Variants in UBAP2 observed in about 807,000 individuals in gnomAD.
UBAP2 encodes the protein ubiquitin associated protein 2, also known as ubiquitin-associated protein 2.
UBAP2 carries 75 observed loss-of-function variants against 139.6 expected under a neutral mutation model. That is an observed-to-expected ratio of 0.54 (90% CI 0.45 to 0.65). UBAP2 has a LOEUF of 0.65. Ranked by LOEUF, UBAP2 falls within the 30% of genes least tolerant of loss-of-function variation. The pLI is 0.00. For synonymous variants in UBAP2, 526 were observed against 526.2 expected, an observed-to-expected ratio of 1.00 and a Z score of 0.01; for missense variants, 1,368 against 1,369.6, an observed-to-expected ratio of 1.00 and a Z score of 0.02.
chr9:33,987,153 A>G (rs1035267960), intron 5 of UBAP2, among the ~76,000 whole-genome samples: 6 of 152,116 alleles, frequency 3.9e-5, no homozygotes, highest in African/African-American at 1.2e-4. Context: ...GCTCACACCT[A>G]TAATTCCAGC....
At chr9:34,016,370 C>CAGCGGTGGTGGTGGTGGT (rs1824331668) in intron 2 of UBAP2, among the ~76,000 whole-genome samples, 1 of 93,690 alleles carries the variant, frequency 1.1e-5, no homozygotes, top group African/African-American at 4.9e-5. Context: ...GCGGCAGCGG[C>CAGCGGTGGTGGTGGTGGT]GGTGGTGGTG....
chr9:34,005,525 T>C (rs1440623020), intron 2 of UBAP2, among the ~76,000 whole-genome samples: 1 of 149,226 alleles, frequency 6.7e-6, no homozygotes, highest in Non-Finnish European at 1.5e-5. Context: ...ATTCAAGAAA[T>C]AATAATTTAA....
At chr9:33,996,047 G>A (rs572476013) in intron 4 of UBAP2, 176 bp downstream of exon 4, 2 of 529,894 alleles carry the variant, frequency 3.8e-6, no homozygotes, top group Non-Finnish European at 6.6e-6. Context: ...ACTTCATGAA[G>A]AAACCATACA....
chr9:34,016,359 G>GGCGGCA (rs376449506), intron 2 of UBAP2, among the ~76,000 whole-genome samples: 21 of 79,246 alleles, frequency 2.6e-4, no homozygotes, highest in Non-Finnish European at 4.1e-4. Flanking sequence ...AGGCAGCAGC[G>GGCGGCA]GCGGCAGCGG....
chr9:33,962,986 A>T (rs977553567), intron 9 of UBAP2, among the ~76,000 whole-genome samples: 1 of 151,580 alleles, frequency 6.6e-6, no homozygotes, highest in Non-Finnish European at 1.5e-5. Context: ...TCTCAAAAAA[A>T]ATAAATAAAA....
Position 33,944,633 on chromosome 9 carries a change from T to C in UBAP2, c.1277A>G (p.Lys426Arg), listed in dbSNP as rs1186235000. The C allele has an allele frequency of 4.3e-6, 7 of 1,611,620 alleles. No individual in the cohort carries two copies. Among genetic ancestry groups the C allele is most frequent in the East Asian group, 4.5e-5 (2 of 44,836 alleles). ...AACTGGGGATGGCTCAGGTTGAGAT[T>C]TGAAGTCTAAAAAAAGTAAGCAGCA... ...QSSVLSHLDF[K>R]SQPEPSPVLS... The change falls in exon 14 of 29, where the codon AAA (lysine) becomes AGA (arginine). Residue 426 changes from lysine (K) to arginine (R), a missense_variant. Physicochemically the swap from Lys to Arg is conservative, Grantham distance 26. Coordinates refer to ENST00000379238, the MANE Select transcript of UBAP2 (RefSeq NM_001370062.2).
chr9:34,028,070 C>A (rs1033498305), intron 1 of UBAP2, among the ~76,000 whole-genome samples: 2 of 151,728 alleles, frequency 1.3e-5, no homozygotes, highest in African/African-American at 2.4e-5. Context: ...TTCTCTGCAG[C>A]TGTTAAGGGC....
At chr9:33,934,429 GTCTC>G (rs1254379105) in intron 17 of UBAP2, 1 of 155,722 alleles carries the variant, frequency 6.4e-6, no homozygotes, top group Admixed American at 6.5e-5. Flanking sequence ...AAGCACTTGA[GTCTC>G]TAAAGGAAGG....
At chr9:34,025,965 TA>T (rs1438571936) in intron 1 of UBAP2, among the ~76,000 whole-genome samples, 1 of 152,206 alleles carries the variant, frequency 6.6e-6, no homozygotes, top group African/African-American at 2.4e-5. Context: ...AGTTTAGACT[TA>T]ACTGAAAATG....
intron 2 of UBAP2, among the ~76,000 whole-genome samples, chr9:34,012,056 A>G (rs899483954): frequency 6.6e-6 from 1 of 152,102 alleles, no homozygotes; most frequent in Non-Finnish European, 1.5e-5. Flanking sequence ...AACTTTACAT[A>G]TTTTTTTCAG....
At chr9:33,943,947 G>A (rs560266596) in intron 14 of UBAP2, among the ~76,000 whole-genome samples, 2 of 152,162 alleles carry the variant, frequency 1.3e-5, no homozygotes, top group Admixed American at 1.3e-4. Context: ...GGAATGGTTG[G>A]CATTAATATC....
chr9:33,935,995 C>A, intron 16 of UBAP2, 117 bp from the exon 17 acceptor site: 1 of 1,065,816 alleles, frequency 9.4e-7, no homozygotes, highest in Non-Finnish European at 1.3e-6. Flanking sequence ...CTCTTTTATT[C>A]TATTTTTTAA....
intron 1 of UBAP2, among the ~76,000 whole-genome samples, chr9:34,022,605 T>C (rs879564933): frequency 2.0e-5 from 3 of 151,834 alleles, no homozygotes; most frequent in Admixed American, 2.0e-4. Context: ...CCAGCCGATT[T>C]TTTTTGTATT....
chr9:33,965,810 A>G (rs955641803), intron 8 of UBAP2, among the ~76,000 whole-genome samples: 3 of 149,320 alleles, frequency 2.0e-5, no homozygotes, highest in Admixed American at 6.7e-5. Flanking sequence ...GCACTCTGAG[A>G]GGCCGAGGCG....
At chr9:34,019,794 T>C (rs1277549414) in intron 1 of UBAP2, among the ~76,000 whole-genome samples, 2 of 149,824 alleles carry the variant, frequency 1.3e-5, no homozygotes, top group Admixed American at 6.6e-5. Context: ...AGAGGAAATA[T>C]ACCCATCAAT....
chr9:33,945,156 T>G (rs991459551), intron 13 of UBAP2, among the ~76,000 whole-genome samples: 6 of 144,336 alleles, frequency 4.2e-5, no homozygotes, highest in African/African-American at 1.3e-4. Context: ...AAAAAAAAAC[T>G]TATTAAGTTT....
chr9:34,003,491 C>T (rs961595900), intron 2 of UBAP2, among the ~76,000 whole-genome samples: 11 of 151,880 alleles, frequency 7.2e-5, no homozygotes, highest in African/African-American at 2.2e-4. Flanking sequence ...CTGCAACCTC[C>T]GCTTCCCAGG....
At chr9:34,049,057 A>G (rs1350648499), upstream of UBAP2, 1 of 152,302 alleles carries the variant, frequency 6.6e-6, no homozygotes, top group Non-Finnish European at 1.5e-5. Context: ...CGCGAAGCCA[A>G]CCGCGTGGAG....
At chr9:33,938,956 G>T (rs564592482) in intron 16 of UBAP2, 1 of 444,234 alleles carries the variant, frequency 2.3e-6, no homozygotes, top group African/African-American at 2.0e-5. Context: ...TGTGGAAGGG[G>T]AAGAGAAAAA....
Sources: gnomAD v4.1 joint callset for allele counts (sites outside exome capture counted in the v4.1 genomes callset) on GRCh38, gnomAD v4.1.1 for gene constraint, MANE v1.5 for transcripts, NCBI Gene and HGNC (gene_info 2026-07-23, HGNC 2026-07-21) for gene names.